The following MEGF11 variants were observed in gnomAD, a reference collection of about 807,000 sequenced individuals.
MEGF11 encodes the protein multiple epidermal growth factor-like domains protein 11.
MEGF11 carries 126 observed loss-of-function variants against 146.6 expected under a neutral mutation model. The ratio of observed to expected loss-of-function variants is 0.86; its 90% CI spans 0.74 to 1.00. The LOEUF (loss-of-function observed/expected upper bound fraction) is 1.00, where lower values mean the gene tolerates loss of function less well. Among genes scored for constraint, MEGF11 ranks in the 50% least tolerant of loss-of-function variants. MEGF11 has a pLI of 0.00. For missense variants in MEGF11, 1,509 were observed against 1,521.2 expected (o/e 0.99, Z 0.13); for synonymous variants, 532 against 583.4 (o/e 0.91, Z 1.27).
At chr15:66,096,850 C>T (rs1006976453) in intron 4 of MEGF11, among the ~76,000 whole-genome samples, 6 of 152,210 alleles carry the variant, frequency 3.9e-5, no homozygotes, top group Non-Finnish European at 8.8e-5. Context: ...TCTGAGCAAG[C>T]TCCACACTGC....
Position 65,994,629 on chromosome 15 carries a change from G to A in MEGF11, c.395-12141C>T, listed in dbSNP as rs550020532. 3.9e-5 allele frequency among the ~76,000 whole-genome samples: 6 copies of A among 152,284 alleles called. No homozygotes were observed. The South Asian group carries it at 6.2e-4, about 16-fold the overall frequency. On this transcript the variant is annotated intron_variant, in intron 5 of 25. Coordinates refer to ENST00000395614, the MANE Select transcript of MEGF11 (RefSeq NM_001385028.1). ...TAGGGTGATTTGGACCTGGGCAGCCGAGAGTCAGCCAGAAGGGGGCCGTGG... is the reference window on the plus strand; with the variant it reads ...TAGGGTGATTTGGACCTGGGCAGCCAAGAGTCAGCCAGAAGGGGGCCGTGG...
rs148376643 is a variant in MEGF11 at position 66,156,521 on chromosome 15, G to A, written c.-8-28110C>T. ...GGGATCCAGTGGTGGCCCTGTGCTC[G>A]GCCACCACTCCCTGTGTCAGGACAC... On this transcript the variant is annotated intron_variant, in intron 1 of 25. Coordinates refer to ENST00000395614, the MANE Select transcript of MEGF11 (RefSeq NM_001385028.1). 3.3e-3 allele frequency among the ~76,000 whole-genome samples: 499 copies of A among 151,950 alleles called. 2 individuals carry two copies. Among genetic ancestry groups the A allele is most frequent in the Non-Finnish European group, 2.7e-3 (186 of 67,934 alleles).
chr15:66,233,756 G>A (rs1280205901), intron 1 of MEGF11, among the ~76,000 whole-genome samples: 1 of 151,990 alleles, frequency 6.6e-6, no homozygotes, highest in Non-Finnish European at 1.5e-5. Flanking sequence ...CCCAATCATG[G>A]TAGTCCCTTT....
intron 1 of MEGF11, among the ~76,000 whole-genome samples, chr15:66,183,535 CAAAAAGAAA>C (rs1176997779): frequency 1.0e-5 from 1 of 99,578 alleles, no homozygotes; most frequent in East Asian, 3.8e-4. Flanking sequence ...ACCCCCCTGC[CAAAAAGAAA>C]AAAAAAAAAA....
intron 25 of MEGF11, 173 bp downstream of exon 25, chr15:65,898,555 C>T (rs2078410611): frequency 1.0e-6 from 1 of 985,216 alleles, no homozygotes; most frequent in South Asian, 4.7e-5. Context: ...ATTTGACTTC[C>T]TGCATTAGCT....
At chr15:66,086,982 A>G (rs1239319254) in intron 5 of MEGF11, among the ~76,000 whole-genome samples, 1 of 152,242 alleles carries the variant, frequency 6.6e-6, no homozygotes, top group African/African-American at 2.4e-5. Flanking sequence ...GGGAAAAGGC[A>G]TTTCATGCAA....
Position 65,916,883 on chromosome 15 carries a change from G to T in MEGF11, c.2160C>A (p.Ala720=). 3 of 1,587,564 alleles carry T rather than the reference G, an allele frequency of 1.9e-6. No homozygotes were observed. The highest frequency in any genetic ancestry group is 2.3e-5 in the South Asian group (2 of 87,320). Residue 720 remains alanine, a synonymous_variant, in exon 17 of 26, where the codon GCC becomes GCA. Coordinates refer to ENST00000395614, the MANE Select transcript of MEGF11 (RefSeq NM_001385028.1). ...GGGTGCAGTGGCAGGCCCCGTCCTC[G>T]GCGCTGCAGCTCGCCCCGTTGTGGC... ...CSCHNGASCS[A]EDGACHCTPG...
chr15:66,061,988 A>G (rs2084925659), intron 5 of MEGF11, among the ~76,000 whole-genome samples: 1 of 152,302 alleles, frequency 6.6e-6, no homozygotes, highest in Middle Eastern at 3.4e-3. Context: ...TTGAACTTCT[A>G]GGCTCAAGTG....
intron 1 of MEGF11, among the ~76,000 whole-genome samples, chr15:66,225,363 C>T (rs748062640): frequency 6.6e-6 from 1 of 152,252 alleles, no homozygotes; most frequent in Non-Finnish European, 1.5e-5. Flanking sequence ...AACCAGCTCT[C>T]TGCCCAGAAA....
intron 1 of MEGF11, 144 bp from the exon 2 acceptor site, chr15:66,128,555 A>C: frequency 2.3e-6 from 1 of 444,388 alleles, no homozygotes. Context: ...ACTGGTTCTG[A>C]GTAACAGGAG....
chr15:66,207,125 G>GA (rs1014791592), intron 1 of MEGF11, among the ~76,000 whole-genome samples: 2 of 151,972 alleles, frequency 1.3e-5, no homozygotes, highest in Non-Finnish European at 2.9e-5. Flanking sequence ...AGGAAAGGCA[G>GA]AAAAAATATA....
chr15:66,196,373 G>C (rs2091010815), intron 1 of MEGF11, among the ~76,000 whole-genome samples: 1 of 152,184 alleles, frequency 6.6e-6, no homozygotes. Flanking sequence ...TCGAGAGGCT[G>C]AGGCAGGAGA....
intron 1 of MEGF11, among the ~76,000 whole-genome samples, chr15:66,252,073 C>G (rs780654691): frequency 7.9e-5 from 12 of 152,242 alleles, no homozygotes; most frequent in Non-Finnish European, 1.6e-4. Context: ...CGACAGCACT[C>G]CAACAAAGAG....
chr15:65,957,439 C>T lies in MEGF11; in HGVS notation c.1287+108G>A, dbSNP rs1023834344. On this transcript the variant is annotated intron_variant, in intron 10 of 25. Coordinates refer to ENST00000395614, the MANE Select transcript of MEGF11 (RefSeq NM_001385028.1). ...TCATGAAGTCTGTCTCTGAGGCGGA[C>T]ACAAGGAGGCAGCTGGGTGCAGGGC... is the stretch of plus-strand genomic sequence containing the variant. 5.5e-6 allele frequency: 6 copies of T among 1,083,210 alleles called. No homozygotes were observed. The African/African-American group carries it at 7.9e-5, about 14-fold the overall frequency. 67.1% of individuals were successfully genotyped at this position (1,083,210 alleles called of 1,614,324 possible).
chr15:66,032,172 G>A (rs150444582), intron 5 of MEGF11, among the ~76,000 whole-genome samples: 285 of 152,300 alleles, frequency 1.9e-3, no homozygotes, highest in Non-Finnish European at 2.7e-3. Context: ...AAAAGGCTGG[G>A]GATTGCTGCT....
At chr15:66,106,956 C>T (rs2087111491) in intron 4 of MEGF11, among the ~76,000 whole-genome samples, 1 of 152,148 alleles carries the variant, frequency 6.6e-6, no homozygotes, top group Admixed American at 6.5e-5. Flanking sequence ...CCAGCAACTA[C>T]AGGGTTAACA....
intron 1 of MEGF11, among the ~76,000 whole-genome samples, chr15:66,130,547 A>G (rs1199298763): frequency 1.3e-5 from 2 of 152,088 alleles, no homozygotes; most frequent in African/African-American, 2.4e-5. Context: ...AGAGAGAGGT[A>G]ACTTGGATCA....
intron 20 of MEGF11, among the ~76,000 whole-genome samples, chr15:65,913,360 T>C (rs1484859540): frequency 6.6e-6 from 1 of 152,164 alleles, no homozygotes; most frequent in Non-Finnish European, 1.5e-5. Context: ...CTCTGGGCAC[T>C]GGGCTCCAAG....
intron 10 of MEGF11, among the ~76,000 whole-genome samples, chr15:65,944,780 C>T (rs1442461423): frequency 6.6e-6 from 1 of 152,062 alleles, no homozygotes; most frequent in African/African-American, 2.4e-5. Flanking sequence ...GAATTTAACA[C>T]TGGAGAGGCT....
Sources: gnomAD v4.1 joint callset for allele counts (sites outside exome capture counted in the v4.1 genomes callset) on GRCh38, gnomAD v4.1.1 for gene constraint, MANE v1.5 for transcripts, NCBI Gene and HGNC (gene_info 2026-07-23, HGNC 2026-07-21) for gene names.